The following FOCAD variants were observed in gnomAD, a reference collection of about 807,000 sequenced individuals.
The protein encoded by FOCAD is focadhesin.
In FOCAD, 198 loss-of-function variants were observed where a neutral mutation model predicts 225.6. The ratio of observed to expected loss-of-function variants is 0.88; its 90% confidence interval spans 0.78 to 0.99. FOCAD has a LOEUF of 0.99. FOCAD is among the 50% of genes least tolerant of loss of function. The pLI is 0.00. For synonymous variants in FOCAD, 897 were observed against 755.0 expected (o/e 1.19, Z -3.08); for missense variants, 2,713 against 2,123.6 (o/e 1.28, Z -5.46).
rs746360161 is a variant in FOCAD at position 20,720,383 on chromosome 9, C to T, written c.136C>T (p.Pro46Ser). ...CTAATCACTGGTTTGGTTTCAGACT[C>T]CTGCTTTGAACTTGCTGTGGGAGAA... ...EKIHQSTNQT[P>S]ALNLLWEKCC... Residue 46 changes from proline (P) to serine (S), a missense_variant, in exon 4 of 44, where the codon CCT becomes TCT. Coordinates refer to ENST00000338382, the MANE Select transcript of FOCAD (RefSeq NM_001375567.1). 1 of 1,613,818 alleles carries T rather than the reference C, an allele frequency of 6.2e-7. No homozygotes were observed. Among genetic ancestry groups the T allele is most frequent in the Admixed American group, 1.7e-5 (1 of 60,006 alleles).
rs1429792977 is a variant in FOCAD at position 20,944,690 on chromosome 9, G to C, written c.3471G>C (p.Gln1157His). 6.2e-7 allele frequency: 1 copy of C among 1,614,148 alleles called. No individual in the cohort carries two copies. Among genetic ancestry groups the C allele is most frequent in the Non-Finnish European group, 8.5e-7 (1 of 1,179,972 alleles). Residue 1157 changes from glutamine (Q) to histidine (H), a missense_variant, in exon 29 of 44, where the codon CAG becomes CAC. Coordinates refer to ENST00000338382, the MANE Select transcript of FOCAD (RefSeq NM_001375567.1). ...LSLMSHSSQM[Q>H]SRVHVAALLR... ...TCATGAGCCACAGCAGCCAAATGCA[G>C]TCCCGCGTTCACGTAGCAGCATTGC...
intron 1 of FOCAD, among the ~76,000 whole-genome samples, chr9:20,697,454 C>G (rs185991572): frequency 1.5e-4 from 23 of 152,300 alleles, no homozygotes; most frequent in African/African-American, 5.5e-4. Flanking sequence ...CTGCTTCATT[C>G]TGTAATCTCT....
chr9:20,755,322 A>G (rs1828949725), intron 5 of FOCAD, among the ~76,000 whole-genome samples: 1 of 152,248 alleles, frequency 6.6e-6, no homozygotes, highest in Non-Finnish European at 1.5e-5. Context: ...ACTAAATAAA[A>G]TCTGCTGAAT....
chr9:20,674,448 C>T (rs896127429), intron 2 of FOCAD, among the ~76,000 whole-genome samples: 1 of 152,194 alleles, frequency 6.6e-6, no homozygotes, highest in Non-Finnish European at 1.5e-5. Flanking sequence ...GCTAATTAAA[C>T]ATCTGTCAGC....
At chr9:20,797,042 A>G (rs887566986) in intron 11 of FOCAD, among the ~76,000 whole-genome samples, 2 of 152,234 alleles carry the variant, frequency 1.3e-5, no homozygotes, top group East Asian at 1.9e-4. Context: ...ATGGCTAGCC[A>G]GTTTTCCCAC....
In FOCAD at chr9:20,922,438, A is replaced by T. The variant is rs535741394; in HGVS notation, c.2853-1222A>T. 8.9e-4 allele frequency among the ~76,000 whole-genome samples: 135 copies of T among 152,322 alleles called. 1 individual carries two copies. Among genetic ancestry groups the T allele is most frequent in the African/African-American group, 3.1e-3 (129 of 41,568 alleles). ...GGAGAGGGGGAAGGAAGGATGGGCG[A>T]ATAGATAGGAAGGATTTGTTAATGG... On this transcript the variant is annotated intron_variant, in intron 24 of 43. Coordinates refer to ENST00000338382, the MANE Select transcript of FOCAD (RefSeq NM_001375567.1).
At chr9:20,988,512 C>CA (rs1841383359) in intron 41 of FOCAD, 83 bp downstream of exon 41, 7 of 276,012 alleles carry the variant, frequency 2.5e-5, no homozygotes, top group African/African-American at 7.3e-5. Flanking sequence ...GCGGTTTTGC[C>CA]ATTAATTGGC....
intron 40 of FOCAD, among the ~76,000 whole-genome samples, chr9:20,987,581 T>C (rs1457602880): frequency 6.6e-6 from 1 of 152,202 alleles, no homozygotes; most frequent in East Asian, 1.9e-4. Context: ...TCTGCATTTG[T>C]GCCTTTCCAC....
intron 6 of FOCAD, among the ~76,000 whole-genome samples, chr9:20,762,850 G>T (rs1268218656): frequency 2.0e-5 from 3 of 152,020 alleles, no homozygotes; most frequent in African/African-American, 7.2e-5. Context: ...AGTCCCTTGT[G>T]TCTGTTGTTC....
At chr9:20,948,973 T>G in intron 32 of FOCAD, 45 bp downstream of exon 32, 24 of 1,510,006 alleles carry the variant, frequency 1.6e-5, no homozygotes, top group Non-Finnish European at 1.9e-5. Context: ...AATATGTACA[T>G]AGCCATAGCG....
upstream of FOCAD, among the ~76,000 whole-genome samples, chr9:20,682,674 G>A (rs1822434863): frequency 6.6e-6 from 1 of 152,126 alleles, no homozygotes; most frequent in Non-Finnish European, 1.5e-5. Context: ...CTGAAAGAGA[G>A]TATCATCAAA....
rs997077031 is a variant in FOCAD at position 20,952,125 on chromosome 9, A to G, written c.4052-860A>G. Among the ~76,000 whole-genome samples, 6 of 152,202 alleles carry G rather than the reference A, an allele frequency of 3.9e-5. No individual in the cohort carries two copies. The South Asian group carries it at 6.2e-4, about 16-fold the overall frequency. On this transcript the variant is annotated intron_variant, in intron 34 of 43. Coordinates refer to ENST00000338382, the MANE Select transcript of FOCAD (RefSeq NM_001375567.1). ...CTGGGTAATACTAGTTTTGAAGGGC[A>G]GGGATCTCACAGTGTCCTGGTAAGA...
chr9:20,739,180 A>C (rs1165627068), intron 4 of FOCAD, among the ~76,000 whole-genome samples: 1 of 152,212 alleles, frequency 6.6e-6, no homozygotes, highest in Non-Finnish European at 1.5e-5. Flanking sequence ...GTAGTGTTCT[A>C]ACCCAAAAAT....
chr9:20,882,762 C>T (rs1830782060), intron 20 of FOCAD, among the ~76,000 whole-genome samples: 1 of 152,134 alleles, frequency 6.6e-6, no homozygotes, highest in Non-Finnish European at 1.5e-5. Flanking sequence ...TGACCTTGAG[C>T]ACAAGGCCAA....
At chr9:20,659,432 A>AAGG (rs1174669290) in intron 2 of FOCAD, among the ~76,000 whole-genome samples, 1 of 150,898 alleles carries the variant, frequency 6.6e-6, no homozygotes, top group African/African-American at 2.4e-5. Context: ...AGGAGAAAGA[A>AAGG]AGAAAGAAAG....
intron 15 of FOCAD, among the ~76,000 whole-genome samples, chr9:20,858,329 G>A (rs1828416689): frequency 2.0e-5 from 3 of 152,178 alleles, no homozygotes; most frequent in South Asian, 4.2e-4. Context: ...TAGGCCATAT[G>A]TGTCTAAGAA....
intron 21 of FOCAD, among the ~76,000 whole-genome samples, chr9:20,889,440 G>C (rs1049497010): frequency 6.6e-6 from 1 of 151,998 alleles, no homozygotes; most frequent in Non-Finnish European, 1.5e-5. Flanking sequence ...TTACTTTTTA[G>C]CTTAGGTCCA....
chr9:20,948,955 G>A (rs371649365), intron 32 of FOCAD, 27 bp downstream of exon 32: 52 of 1,600,872 alleles, frequency 3.2e-5, no homozygotes, highest in Admixed American at 5.0e-5. Flanking sequence ...TGGAGGGGAA[G>A]ACATCTAAAT....
intron 21 of FOCAD, among the ~76,000 whole-genome samples, chr9:20,903,738 G>T (rs575420868): frequency 6.6e-6 from 1 of 151,958 alleles, no homozygotes; most frequent in East Asian, 1.9e-4. Flanking sequence ...TAAAATTGAG[G>T]TGTCATTCAC....
Sources: allele counts gnomAD v4.1 joint callset (sites outside exome capture counted in the v4.1 genomes callset), GRCh38; gene constraint gnomAD v4.1.1; transcripts MANE v1.5; gene names NCBI Gene and HGNC (gene_info 2026-07-23, HGNC 2026-07-21).